ACAD9: variants seen among roughly 807,000 people sequenced by gnomAD.
ACAD9 encodes the protein acyl-CoA dehydrogenase family member 9.
ACAD9 carries 53 observed loss-of-function variants against 70.2 expected under a neutral mutation model. The ratio of observed to expected loss-of-function variants is 0.75; its 90% CI spans 0.61 to 0.95. ACAD9 has a LOEUF of 0.95. ACAD9 is among the 40% of genes least tolerant of loss of function. ACAD9 has a pLI of 0.00. For missense variants in ACAD9, 777 were observed against 802.8 expected, an observed-to-expected ratio of 0.97 and a Z score of 0.39; for synonymous variants, 313 against 312.1, an observed-to-expected ratio of 1.00 and a Z score of -0.03.
intron 12 of ACAD9, among the ~76,000 whole-genome samples, chr3:128,907,881 C>T (rs987674640): frequency 3.9e-5 from 6 of 152,218 alleles, no homozygotes; most frequent in African/African-American, 1.4e-4. Flanking sequence ...CCTCACCACC[C>T]GGGGAAAGCT....
chr3:128,910,542 C>T (rs967450905), intron 16 of ACAD9, among the ~76,000 whole-genome samples, 199 bp from the exon 17 acceptor site: 4 of 152,152 alleles, frequency 2.6e-5, no homozygotes, highest in Non-Finnish European at 4.4e-5. Flanking sequence ...GAAACAGGGT[C>T]AGAGATGTTG....
chr3:128,912,775 T>A lies in ACAD9; in HGVS notation c.*168T>A, dbSNP rs1378262058. On this transcript the variant is annotated 3_prime_UTR_variant, in exon 18 of 18. Coordinates refer to ENST00000308982, the MANE Select transcript of ACAD9 (RefSeq NM_014049.5). ...GGCCTGGGAGAGCCTCTTCCAGGTT[T>A]TGACCTGCAGGCAGTGCTCTCTAAC... is the stretch of plus-strand genomic sequence containing the variant. The A allele has an allele frequency of 4.0e-6, 3 of 755,386 alleles. No individual in the cohort carries two copies. In the Admixed American group the frequency reaches 5.1e-5, roughly 13 times the overall value. 46.8% of individuals were successfully genotyped at this position (755,386 alleles called of 1,614,324 possible).
intron 2 of ACAD9, among the ~76,000 whole-genome samples, chr3:128,886,256 C>T (rs1935242200): frequency 6.6e-6 from 1 of 151,010 alleles, no homozygotes; most frequent in Non-Finnish European, 1.5e-5. Flanking sequence ...GCATGCACCA[C>T]CACGCCCGGG....
At chr3:128,903,449 G>A (rs532939951) in intron 9 of ACAD9, among the ~76,000 whole-genome samples, 2 of 152,204 alleles carry the variant, frequency 1.3e-5, no homozygotes, top group Non-Finnish European at 2.9e-5. Context: ...GCTCTGAGTG[G>A]GGCTCGGCCC....
intron 6 of ACAD9, chr3:128,898,361 A>G (rs1006421188): frequency 9.3e-6 from 4 of 429,564 alleles, no homozygotes; most frequent in African/African-American, 6.4e-5. Flanking sequence ...TTTGTTTTTT[A>G]ATAAACACAA....
At chr3:128,890,616 G>T (rs937002199) in intron 2 of ACAD9, among the ~76,000 whole-genome samples, 8 of 151,748 alleles carry the variant, frequency 5.3e-5, no homozygotes, top group Non-Finnish European at 8.8e-5. Flanking sequence ...GCAGGAGAAT[G>T]GCGTGAACCC....
At chr3:128,908,822 T>TG in intron 13 of ACAD9, 151 bp from the exon 14 acceptor site, 1 of 1,227,684 alleles carries the variant, frequency 8.1e-7, no homozygotes, top group Non-Finnish European at 1.2e-6. Context: ...TGGCAGGTGG[T>TG]GGGTTTGGGG....
At chr3:128,887,115 G>C (rs539591860) in intron 2 of ACAD9, among the ~76,000 whole-genome samples, 6 of 152,064 alleles carry the variant, frequency 3.9e-5, no homozygotes, top group South Asian at 2.1e-4. Context: ...AGTAGAGATG[G>C]GGTTTCACCA....
chr3:128,905,177 A>G (rs1200594084), intron 11 of ACAD9, among the ~76,000 whole-genome samples: 2 of 152,156 alleles, frequency 1.3e-5, no homozygotes, highest in East Asian at 3.9e-4. Context: ...AAAAACATGT[A>G]TGAGCCTGGG....
chr3:128,906,743 A>T (rs151022869), intron 12 of ACAD9, among the ~76,000 whole-genome samples: 17 of 152,134 alleles, frequency 1.1e-4, no homozygotes, highest in Admixed American at 3.9e-4. Flanking sequence ...ATGAAGAGAG[A>T]GTGAAGGGCT....
chr3:128,896,142 G>C (rs1038691796), intron 4 of ACAD9, among the ~76,000 whole-genome samples: 2 of 152,216 alleles, frequency 1.3e-5, no homozygotes, highest in Non-Finnish European at 2.9e-5. Flanking sequence ...TTTGGAAAGG[G>C]ATATCCTTTG....
intron 2 of ACAD9, among the ~76,000 whole-genome samples, chr3:128,892,236 A>C (rs947294701): frequency 1.3e-5 from 2 of 152,214 alleles, no homozygotes; most frequent in Admixed American, 1.3e-4. Context: ...GAACTCAACA[A>C]ATTATATATT....
In ACAD9 at chr3:128,912,613, G is replaced by A. The variant is rs1375497042; in HGVS notation, c.*6G>A. 1 of 1,613,204 alleles carries A rather than the reference G, an allele frequency of 6.2e-7. No homozygotes were observed. The highest frequency in any genetic ancestry group is 1.1e-5 in the South Asian group (1 of 91,046). On this transcript the variant is annotated 3_prime_UTR_variant, in exon 18 of 18. Transcript: ENST00000308982. The stretch of plus-strand genomic sequence containing the variant: ...CTCTGGACAGGACATGCTGAGGCAG[G>A]GGACAGTGTCCCCTGCTACCGCCCG...
Position 128,912,672 on chromosome 3 carries a change from ACTCTTTTTTC to A in ACAD9, c.*66_*75del. ...CATGGCCCGTTGCTGGATGACTGTT[ACTCTTTTTTC>A]AGAAGGTGTTGGGATTATCACAGGT... is the stretch of plus-strand genomic sequence containing the variant. On this transcript the variant is annotated 3_prime_UTR_variant, in exon 18 of 18. Transcript: ENST00000308982. 7.3e-7 allele frequency: 1 copy of A among 1,372,060 alleles called. No homozygotes were observed. 85.0% of individuals were successfully genotyped at this position (1,372,060 alleles called of 1,614,324 possible).
chr3:128,904,031 A>G (rs1935817317), intron 9 of ACAD9, 31 bp from the exon 10 acceptor site: 2 of 1,607,464 alleles, frequency 1.2e-6, no homozygotes, highest in South Asian at 2.2e-5. Context: ...GAAATATTCC[A>G]GTTCATTCTA....
Position 128,912,531 on chromosome 3 carries a change from A to G in ACAD9, c.1790A>G (p.Gln597Arg), listed in dbSNP as rs762053914. ...GATGCTCCAGAAAACCTAGATGAGC[A>G]GATTAAGAAAGTGTCCCAGCAGATC... ...DKYAPENLDE[Q>R]IKKVSQQILE... The change falls in exon 18 of 18, where the codon CAG becomes CGG. Residue 597 changes from glutamine (Q) to arginine (R), a missense_variant. Coordinates refer to ENST00000308982, the MANE Select transcript of ACAD9 (RefSeq NM_014049.5). The G allele has an allele frequency of 1.2e-6, 2 of 1,613,988 alleles. No homozygotes were observed. Among genetic ancestry groups the G allele is most frequent in the East Asian group, 2.2e-5 (1 of 44,880 alleles).
In ACAD9 at chr3:128,904,149, A is replaced by C; in HGVS notation, c.1029+17A>C. On this transcript the variant is annotated intron_variant, in intron 10 of 17. Coordinates refer to ENST00000308982, the MANE Select transcript of ACAD9 (RefSeq NM_014049.5). ...TTGATTCAGGTACCAATGGTTGAGT[A>C]CTGTATTTGTGCATTTCACTGTGTG... 6.2e-7 allele frequency: 1 copy of C among 1,613,220 alleles called. No homozygotes were observed. Among genetic ancestry groups the C allele is most frequent in the Non-Finnish European group, 8.5e-7 (1 of 1,179,114 alleles).
intron 16 of ACAD9, among the ~76,000 whole-genome samples, chr3:128,910,511 T>C (rs1323131752): frequency 6.6e-6 from 1 of 152,170 alleles, no homozygotes; most frequent in Non-Finnish European, 1.5e-5. Flanking sequence ...ATACCAGGAT[T>C]GTGACATCTG....
chr3:128,882,285 TC>T (rs1265218879), intron 1 of ACAD9, among the ~76,000 whole-genome samples: 1 of 152,226 alleles, frequency 6.6e-6, no homozygotes, highest in African/African-American at 2.4e-5. Context: ...TCCCACCCAA[TC>T]CTGCTCCTTC....
Sources: allele counts gnomAD v4.1 joint callset (sites outside exome capture counted in the v4.1 genomes callset), GRCh38; gene constraint gnomAD v4.1.1; transcripts MANE v1.5; gene names NCBI Gene and HGNC (gene_info 2026-07-23, HGNC 2026-07-21).